The following DCC variants were observed in gnomAD, a reference collection of about 807,000 sequenced individuals.
The protein encoded by DCC is DCC netrin 1 receptor.
Under a neutral mutation model 172.5 loss-of-function variants are expected in DCC, and 58 were observed. That is an observed-to-expected ratio of 0.34 (90% CI 0.27 to 0.42). DCC has a LOEUF of 0.42. Ranked by LOEUF, DCC falls within the 10% of genes least tolerant of loss-of-function variation. DCC has a pLI of 1.00. For missense variants in DCC, 1,740 were observed against 1,791.0 expected (o/e 0.97, Z 0.51); for synonymous variants, 709 against 644.5 (o/e 1.10, Z -1.52).
At chr18:52,407,739 G>A (rs943004373) in intron 1 of DCC, among the ~76,000 whole-genome samples, 7 of 151,066 alleles carry the variant, frequency 4.6e-5, no homozygotes, top group Admixed American at 4.0e-4. Flanking sequence ...AGATTTCAAA[G>A]TGTTCTCTAA....
chr18:52,378,549 C>A (rs1341492432), intron 1 of DCC, among the ~76,000 whole-genome samples: 1 of 151,830 alleles, frequency 6.6e-6, no homozygotes, highest in East Asian at 1.9e-4. Flanking sequence ...AATATATATA[C>A]TTTTTTTGAG....
chr18:52,566,725 C>G (rs934268083), intron 1 of DCC, among the ~76,000 whole-genome samples: 1 of 151,924 alleles, frequency 6.6e-6, no homozygotes, highest in African/African-American at 2.4e-5. Context: ...TGAAGAAGGC[C>G]TAAAAAATGA....
chr18:53,212,160 G>T (rs538150997), intron 11 of DCC, among the ~76,000 whole-genome samples: 1 of 152,124 alleles, frequency 6.6e-6, no homozygotes, highest in East Asian at 1.9e-4. Context: ...ACAATTATGG[G>T]GACTTGATCT....
At chr18:53,457,726 T>C (rs1278171298) in intron 23 of DCC, among the ~76,000 whole-genome samples, 7 of 152,170 alleles carry the variant, frequency 4.6e-5, no homozygotes, top group African/African-American at 9.7e-5. Flanking sequence ...CTTAGACACA[T>C]AGACACTTAG....
chr18:52,391,982 A>G (rs1986047195), intron 1 of DCC, among the ~76,000 whole-genome samples: 1 of 152,174 alleles, frequency 6.6e-6, no homozygotes, highest in Non-Finnish European at 1.5e-5. Context: ...GTGTAGCGCT[A>G]TGTGTCAACT....
At chr18:53,177,109 C>T (rs1303120851) in intron 8 of DCC, among the ~76,000 whole-genome samples, 2 of 149,678 alleles carry the variant, frequency 1.3e-5, no homozygotes, top group South Asian at 2.1e-4. Flanking sequence ...TATTCTCACT[C>T]ATAGGTGGGA....
chr18:52,857,396 GA>G (rs551306097), intron 2 of DCC, among the ~76,000 whole-genome samples: 1 of 151,924 alleles, frequency 6.6e-6, no homozygotes, highest in Non-Finnish European at 1.5e-5. Context: ...CTTAACTAGG[GA>G]AAAAAAGTTT....
rs563163349 is a variant in DCC at position 53,229,367 on chromosome 18, C to T, written c.1911+13770C>T. On this transcript the variant is annotated intron_variant, in intron 12 of 28. Transcript: ENST00000442544. ...AATTTTGTGAGCCCTATGTTAAACACAGCAATTATTAAAAATTCAGTTACA... is the reference window on the plus strand; with the variant it reads ...AATTTTGTGAGCCCTATGTTAAACATAGCAATTATTAAAAATTCAGTTACA... Among the ~76,000 whole-genome samples the T allele has an allele frequency of 2.0e-5, 3 of 152,230 alleles. No homozygotes were observed. In the South Asian group the frequency reaches 6.2e-4, roughly 32 times the overall value.
chr18:52,667,434 C>A (rs1355172510), intron 1 of DCC, among the ~76,000 whole-genome samples: 1 of 152,214 alleles, frequency 6.6e-6, no homozygotes, highest in South Asian at 2.1e-4. Flanking sequence ...CCTAAATCTT[C>A]ATTTTGACTT....
chr18:52,486,866 A>T (rs992286824), intron 1 of DCC, among the ~76,000 whole-genome samples: 1 of 152,110 alleles, frequency 6.6e-6, no homozygotes, highest in Non-Finnish European at 1.5e-5. Context: ...GGTGTCTTTT[A>T]CAGAACGTTC....
intron 1 of DCC, among the ~76,000 whole-genome samples, chr18:52,614,062 A>G (rs1484437394): frequency 6.6e-6 from 1 of 152,122 alleles, no homozygotes; most frequent in African/African-American, 2.4e-5. Flanking sequence ...ACGCTTTCCA[A>G]ATTTTTTTTT....
At chr18:53,403,275 G>T (rs1909441027) in intron 19 of DCC, among the ~76,000 whole-genome samples, 1 of 133,418 alleles carries the variant, frequency 7.5e-6, no homozygotes, top group South Asian at 2.3e-4. Context: ...AAACACAAAA[G>T]ATGCTTAATG....
chr18:52,905,457 A>G lies in DCC; in HGVS notation c.413-587A>G, dbSNP rs537908153. On this transcript the variant is annotated intron_variant, in intron 2 of 28. Coordinates refer to ENST00000442544, the MANE Select transcript of DCC (RefSeq NM_005215.4). ...AATCTTTTCACTACACCACAGCCAT[A>G]CCTGGCAAATGTGGATGAACATTTA... 4.8e-4 allele frequency among the ~76,000 whole-genome samples: 73 copies of G among 152,316 alleles called. No homozygotes were observed. The South Asian group carries it at 0.014, about 29-fold the overall frequency.
intron 20 of DCC, among the ~76,000 whole-genome samples, chr18:53,415,505 T>C (rs1186891127): frequency 1.3e-5 from 2 of 152,308 alleles, no homozygotes; most frequent in Non-Finnish European, 2.9e-5. Flanking sequence ...AAAAAAGTCA[T>C]CTTTAAAACA....
At chr18:52,862,184 G>A (rs562621959) in intron 2 of DCC, among the ~76,000 whole-genome samples, 8 of 151,994 alleles carry the variant, frequency 5.3e-5, no homozygotes, top group African/African-American at 1.7e-4. Flanking sequence ...GATAAACCTC[G>A]TATGTTCCTC....
At chr18:52,418,006 T>C (rs1040712383) in intron 1 of DCC, among the ~76,000 whole-genome samples, 18 of 152,180 alleles carry the variant, frequency 1.2e-4, no homozygotes, top group East Asian at 9.6e-4. Flanking sequence ...TCAAATTTTA[T>C]AGGACCCCGG....
chr18:53,310,409 ATATT>A (rs1260434888), intron 13 of DCC, among the ~76,000 whole-genome samples: 1 of 152,090 alleles, frequency 6.6e-6, no homozygotes, highest in Non-Finnish European at 1.5e-5. Flanking sequence ...TATGTTATAA[ATATT>A]CAGGTGTAGA....
chr18:52,874,612 C>T (rs192555007), intron 2 of DCC, among the ~76,000 whole-genome samples: 1 of 152,218 alleles, frequency 6.6e-6, no homozygotes, highest in East Asian at 1.9e-4. Context: ...GTCTCTATTG[C>T]TATCACACAT....
chr18:53,231,413 A>G (rs568519718), intron 12 of DCC, among the ~76,000 whole-genome samples: 3 of 152,262 alleles, frequency 2.0e-5, no homozygotes, highest in African/African-American at 7.2e-5. Flanking sequence ...TATGCTTATT[A>G]TAACTATCAA....
Sources: gnomAD v4.1 joint callset for allele counts (sites outside exome capture counted in the v4.1 genomes callset) on GRCh38, gnomAD v4.1.1 for gene constraint, MANE v1.5 for transcripts, NCBI Gene and HGNC (gene_info 2026-07-23, HGNC 2026-07-21) for gene names.